Variants in KLRG1 observed in about 807,000 individuals in gnomAD.
The protein encoded by KLRG1 is killer cell lectin like receptor G1.
A neutral mutation model predicts 21.8 loss-of-function variants in KLRG1; 16 were observed. The observed-to-expected ratio is 0.73, with a 90% CI of 0.50 to 1.11. The LOEUF (loss-of-function observed/expected upper bound fraction) is 1.11, where lower values mean the gene tolerates loss of function less well. Among genes scored for constraint, KLRG1 ranks in the 50% most tolerant of loss-of-function variants. The probability of loss-of-function intolerance (pLI) is 0.00; values close to 1 mark genes in which losing one functional copy is unlikely to be tolerated. For synonymous variants in KLRG1, 69 were observed against 75.9 expected, an observed-to-expected ratio of 0.91 and a Z score of 0.47; for missense variants, 173 against 218.3, an observed-to-expected ratio of 0.79 and a Z score of 1.31.
At chr12:9,077,902 G>A in the KLRG1 span, 1 of 1,612,660 alleles carries the variant, frequency 6.2e-7, no homozygotes, top group Non-Finnish European at 8.5e-7. Context: ...TGTCAAAATG[G>A]TTTTATAACC....
Position 8,992,525 on chromosome 12 carries a change from T to G in KLRG1, c.187+215T>G, listed in dbSNP as rs553561267. On this transcript the variant is annotated intron_variant, in intron 2 of 4. Transcript: ENST00000356986. ...TTTTTTGAGACAGGGTCTCCCTCAA[T>G]CAGCCAGGCTGTAGGTGATAGATTT... Among the ~76,000 whole-genome samples, 11 of 152,032 alleles carry G rather than the reference T, an allele frequency of 7.2e-5. No individual in the cohort carries two copies. The South Asian group carries it at 1.7e-3, about 23-fold the overall frequency.
At chr12:8,983,575 A>G (rs1467675667) in intron 1 of KLRG1, among the ~76,000 whole-genome samples, 1 of 151,548 alleles carries the variant, frequency 6.6e-6, no homozygotes, top group Non-Finnish European at 1.5e-5. Context: ...TAATTTTTGT[A>G]TTTTTAGTAG....
intron 1 of KLRG1, among the ~76,000 whole-genome samples, chr12:8,967,830 G>A (rs1946502895): frequency 6.6e-6 from 1 of 152,092 alleles, no homozygotes; most frequent in Admixed American, 6.6e-5. Context: ...GTATACTATT[G>A]TAAAGTTCAC....
the KLRG1 span, among the ~76,000 whole-genome samples, chr12:9,035,258 T>C: frequency 6.6e-6 from 1 of 152,130 alleles, no homozygotes; most frequent in Non-Finnish European, 1.5e-5. Flanking sequence ...CATGGAATAC[T>C]ATACAGCCAT....
chr12:8,998,092 G>T (rs1947189698), intron 3 of KLRG1, among the ~76,000 whole-genome samples: 1 of 152,290 alleles, frequency 6.6e-6, no homozygotes, highest in East Asian at 1.9e-4. Flanking sequence ...CTTTTGAGAG[G>T]CTGAGGTGGG....
At chr12:9,084,365 A>G in the KLRG1 span, among the ~76,000 whole-genome samples, 1 of 152,216 alleles carries the variant, frequency 6.6e-6, no homozygotes, top group South Asian at 2.1e-4. Context: ...AAATATTAAT[A>G]ACAAGCATAG....
At chr12:9,042,092 C>A in the KLRG1 span, among the ~76,000 whole-genome samples, 227 of 152,236 alleles carry the variant, frequency 1.5e-3, 1 homozygote, top group African/African-American at 5.1e-3. Context: ...AATGTAGTGG[C>A]AAAAAGTTTA....
the KLRG1 span, chr12:9,192,755 A>C: frequency 6.5e-7 from 1 of 1,534,384 alleles, no homozygotes; most frequent in South Asian, 1.1e-5. Flanking sequence ...TAAACAGAAA[A>C]GCAAAGAAAG....
chr12:9,072,569 C>T, the KLRG1 span: 5 of 1,599,920 alleles, frequency 3.1e-6, no homozygotes, highest in Non-Finnish European at 4.3e-6. Flanking sequence ...TCTGATCTGT[C>T]CCATTGTTTT....
intron 3 of KLRG1, among the ~76,000 whole-genome samples, chr12:8,997,503 G>T (rs766546617): frequency 5.6e-4 from 86 of 152,246 alleles, no homozygotes; most frequent in African/African-American, 2.1e-3. Flanking sequence ...AAAGCAAGAA[G>T]TAAAAATAAA....
At chr12:9,188,114 G>A in the KLRG1 span, among the ~76,000 whole-genome samples, 4 of 152,146 alleles carry the variant, frequency 2.6e-5, no homozygotes, top group Admixed American at 6.5e-5. Flanking sequence ...ACATTGATGC[G>A]AAAATCCTCA....
chr12:9,049,199 C>T, the KLRG1 span, among the ~76,000 whole-genome samples: 1 of 152,158 alleles, frequency 6.6e-6, no homozygotes, highest in Non-Finnish European at 1.5e-5. Flanking sequence ...GCATGGAGCA[C>T]TTGGAAGGTT....
the KLRG1 span, chr12:9,077,793 G>T: frequency 6.2e-7 from 1 of 1,614,170 alleles, no homozygotes; most frequent in Non-Finnish European, 8.5e-7. Context: ...TGGGTAATGT[G>T]TGCTTCATCG....
chr12:9,182,554 A>G, the KLRG1 span, among the ~76,000 whole-genome samples: 4 of 152,242 alleles, frequency 2.6e-5, no homozygotes, highest in African/African-American at 9.6e-5. Flanking sequence ...GTATGTAAAA[A>G]AAAGTTCATA....
At chr12:9,196,276 G>A in the KLRG1 span, 1 of 1,265,220 alleles carries the variant, frequency 7.9e-7, no homozygotes, top group Non-Finnish European at 1.1e-6. Context: ...ATTGTGTCCT[G>A]TGCTTAGGTG....
the KLRG1 span, chr12:9,148,999 G>A: frequency 1.2e-6 from 2 of 1,611,130 alleles, no homozygotes; most frequent in Non-Finnish European, 1.7e-6. Context: ...CTGTATCTAT[G>A]GAGAAAAGAA....
chr12:9,061,826 T>A, the KLRG1 span, among the ~76,000 whole-genome samples: 2 of 152,136 alleles, frequency 1.3e-5, no homozygotes, highest in African/African-American at 2.4e-5. Context: ...TGAAGAGAAT[T>A]ACTTTACGTT....
the KLRG1 span, chr12:9,095,611 A>T: frequency 6.2e-7 from 1 of 1,611,782 alleles, no homozygotes; most frequent in Non-Finnish European, 8.5e-7. Context: ...TAATATAGAC[A>T]TTATGACGAT....
the KLRG1 span, chr12:9,208,490 A>G: frequency 1.7e-6 from 1 of 603,866 alleles, no homozygotes; most frequent in South Asian, 2.0e-5. Context: ...TTGAGCACAG[A>G]TTCCCTAAAA....
Sources: gnomAD v4.1 joint callset for allele counts (sites outside exome capture counted in the v4.1 genomes callset) on GRCh38, gnomAD v4.1.1 for gene constraint, MANE v1.5 for transcripts, NCBI Gene and HGNC (gene_info 2026-07-23, HGNC 2026-07-21) for gene names.